Variants in RGL1 observed in about 807,000 individuals in gnomAD.
RGL1 encodes ral guanine nucleotide dissociation stimulator-like 1.
Under a neutral mutation model 95.2 loss-of-function variants are expected in RGL1, and 24 were observed. That is an observed-to-expected ratio of 0.25 (90% CI 0.18 to 0.35). The LOEUF (loss-of-function observed/expected upper bound fraction) is 0.35, where lower values mean the gene tolerates loss of function less well. Ranked by LOEUF, RGL1 falls within the 10% of genes least tolerant of loss-of-function variation. RGL1 has a pLI of 1.00. For synonymous variants in RGL1, 329 were observed against 344.9 expected, an observed-to-expected ratio of 0.95 and a Z score of 0.51; for missense variants, 715 against 936.3, an observed-to-expected ratio of 0.76 and a Z score of 3.08.
chr1:183,805,950 TTTTTCTTTTTCTTTTC>T (rs1661267918), intron 1 of RGL1, among the ~76,000 whole-genome samples: 1 of 147,396 alleles, frequency 6.8e-6, no homozygotes, highest in Non-Finnish European at 1.5e-5. Context: ...TCTTTTTTTC[TTTTTCTTTTTCTTTTC>T]TTTTCTTTTT....
rs112632831 is a variant in RGL1, at chr1:183,785,501, T to C, written c.133-20874T>C. ...TACTATAGCATTTCTCGCATTATTTTTGAGGTCCTATTATCTTTATCCTCT... is the reference window on the plus strand; with the variant it reads ...TACTATAGCATTTCTCGCATTATTTCTGAGGTCCTATTATCTTTATCCTCT... On this transcript the variant is annotated intron_variant, in intron 2 of 18. Transcript: ENST00000304685. Among the ~76,000 whole-genome samples, 990 of 152,328 alleles carry C rather than the reference T, an allele frequency of 6.5e-3. 14 individuals are homozygous for C. The highest frequency in any genetic ancestry group is 0.023 in the African/African-American group (961 of 41,572).
At chr1:183,698,188 A>T (rs1167126785) in intron 1 of RGL1, among the ~76,000 whole-genome samples, 1 of 152,156 alleles carries the variant, frequency 6.6e-6, no homozygotes, top group Non-Finnish European at 1.5e-5. Context: ...CTGGCTTTCC[A>T]CTGACAGAGA....
chr1:183,645,547 A>C (rs1385500787), intron 1 of RGL1, among the ~76,000 whole-genome samples: 1 of 152,198 alleles, frequency 6.6e-6, no homozygotes, highest in African/African-American at 2.4e-5. Flanking sequence ...CTTCCATATC[A>C]CCATTGCCAG....
intron 1 of RGL1, among the ~76,000 whole-genome samples, chr1:183,710,722 G>A (rs576045016): frequency 6.6e-6 from 1 of 152,270 alleles, no homozygotes; most frequent in South Asian, 2.1e-4. Flanking sequence ...TGAAGTATCA[G>A]ATCTCATGAG....
intron 2 of RGL1, among the ~76,000 whole-genome samples, chr1:183,821,370 G>C (rs1352258858): frequency 6.6e-6 from 1 of 152,154 alleles, no homozygotes; most frequent in African/African-American, 2.4e-5. Context: ...GAAAATATTA[G>C]AATGTCATTA....
chr1:183,724,964 A>AACACACACAC lies in RGL1; in HGVS notation c.-32-17153_-32-17144dup, dbSNP rs34336567. The stretch of plus-strand genomic sequence containing the variant: ...TCTCTCCCCCAGCTCTAGGCACCAC[A>AACACACACAC]ACACACACACACACACACGGAGGGA... On this transcript the variant is annotated intron_variant, in intron 1 of 18. Transcript: ENST00000304685. The surrounding 1 kb of genome is among the most constrained non-coding windows in gnomAD (Gnocchi z 4.1). Among the ~76,000 whole-genome samples, 141 of 149,790 alleles carry AACACACACAC rather than the reference A, an allele frequency of 9.4e-4. 1 individual carries two copies. In the East Asian group the frequency reaches 0.023, roughly 25 times the overall value.
chr1:183,867,766 G>A (rs761026527), intron 4 of RGL1, among the ~76,000 whole-genome samples: 8 of 152,096 alleles, frequency 5.3e-5, no homozygotes, highest in Non-Finnish European at 1.0e-4. Flanking sequence ...TGTGCACCTG[G>A]GTGCCTGAAA....
chr1:183,885,038 C>T (rs1032226920), intron 7 of RGL1, 100 bp downstream of exon 7: 1 of 1,024,756 alleles, frequency 9.8e-7, no homozygotes, highest in Non-Finnish European at 1.4e-6. Flanking sequence ...AAAAGGCAGT[C>T]AAAAGACCAT....
intron 2 of RGL1, among the ~76,000 whole-genome samples, chr1:183,745,817 G>T (rs554322461): frequency 6.6e-6 from 1 of 152,068 alleles, no homozygotes; most frequent in East Asian, 1.9e-4. Context: ...GCAGAAACTT[G>T]TTGGGAATTT....
intron 1 of RGL1, among the ~76,000 whole-genome samples, chr1:183,668,935 C>CTTTTTTTTTTTTTTTTTTTTTTTTTT (rs551008973): frequency 1.7e-5 from 2 of 115,556 alleles, no homozygotes. Flanking sequence ...ATTGGACTTT[C>CTTTTTTTTTTTTTTTTTTTTTTTTTT]TTTTCTTTTT....
chr1:183,925,811 T>C (rs902815598), intron 17 of RGL1, among the ~76,000 whole-genome samples: 2 of 152,230 alleles, frequency 1.3e-5, no homozygotes, highest in Non-Finnish European at 2.9e-5. Flanking sequence ...TTAACTTTTC[T>C]TGGCCTCTGT....
intron 1 of RGL1, among the ~76,000 whole-genome samples, chr1:183,677,985 C>T (rs1417677822): frequency 6.6e-6 from 1 of 152,112 alleles, no homozygotes; most frequent in Admixed American, 6.6e-5. Flanking sequence ...AATTATACTT[C>T]CATATGTAAT....
chr1:183,769,760 C>T (rs893902114), intron 2 of RGL1, among the ~76,000 whole-genome samples: 1 of 152,210 alleles, frequency 6.6e-6, no homozygotes, highest in Non-Finnish European at 1.5e-5. Context: ...TGGGTAAGGT[C>T]GTTTCCATGG....
chr1:183,888,736 A>G (rs533798100), intron 8 of RGL1, among the ~76,000 whole-genome samples, 159 bp downstream of exon 8: 1 of 152,158 alleles, frequency 6.6e-6, no homozygotes, highest in Non-Finnish European at 1.5e-5. Context: ...ATCATTAATG[A>G]CTTTTGAGGC....
chr1:183,665,667 A>G (rs979878790), intron 1 of RGL1, among the ~76,000 whole-genome samples: 1 of 152,204 alleles, frequency 6.6e-6, no homozygotes, highest in Admixed American at 6.5e-5. Context: ...ATAGGTGAGC[A>G]TAGATTGTTC....
intron 2 of RGL1, among the ~76,000 whole-genome samples, chr1:183,845,263 C>T (rs1664342919): frequency 1.3e-5 from 2 of 152,198 alleles, no homozygotes; most frequent in South Asian, 4.1e-4. Context: ...AAATAGACCT[C>T]CTCTCTTTAG....
intron 2 of RGL1, among the ~76,000 whole-genome samples, chr1:183,745,859 T>G (rs1000531337): frequency 6.6e-6 from 1 of 152,118 alleles, no homozygotes; most frequent in African/African-American, 2.4e-5. Context: ...GTTGACTGAT[T>G]TGGAGAGTAT....
intron 1 of RGL1, among the ~76,000 whole-genome samples, chr1:183,699,751 T>C (rs776846392): frequency 1.3e-5 from 2 of 152,186 alleles, no homozygotes; most frequent in Non-Finnish European, 2.9e-5. Context: ...CTGTCCCTTG[T>C]ACTCTCTTTT....
chr1:183,910,370 G>T (rs2102725729), intron 14 of RGL1, among the ~76,000 whole-genome samples: 1 of 152,258 alleles, frequency 6.6e-6, no homozygotes, highest in Admixed American at 6.5e-5. Flanking sequence ...AGTGCTGGAA[G>T]CACTTTGAGA....
Sources: allele counts gnomAD v4.1 joint callset (sites outside exome capture counted in the v4.1 genomes callset), GRCh38; gene constraint gnomAD v4.1.1; non-coding constraint Gnocchi (gnomAD v3.1); transcripts MANE v1.5; gene names NCBI Gene and HGNC (gene_info 2026-07-23, HGNC 2026-07-21).